The following OLA1 variants were observed in gnomAD, a reference collection of about 807,000 sequenced individuals.
The protein encoded by OLA1 is Obg like ATPase 1.
In OLA1, 14 loss-of-function variants were observed where a neutral mutation model predicts 48.4. The observed-to-expected ratio is 0.29, with a 90% CI of 0.19 to 0.45. OLA1 has a LOEUF of 0.45. Ranked by LOEUF, OLA1 falls within the 20% of genes least tolerant of loss-of-function variation. The pLI, the probability that OLA1 is intolerant of heterozygous loss-of-function variation, is 1.00. For synonymous variants in OLA1, 127 were observed against 150.4 expected (o/e 0.84, Z 1.14); for missense variants, 325 against 467.1 (o/e 0.70, Z 2.80).
At chr2:174,189,422 G>A (rs1687727807) in intron 4 of OLA1, among the ~76,000 whole-genome samples, 1 of 152,000 alleles carries the variant, frequency 6.6e-6, no homozygotes, top group African/African-American at 2.4e-5. Flanking sequence ...CTATAAAGAA[G>A]TCTTAGGTGT....
intron 9 of OLA1, 54 bp from the exon 10 acceptor site, chr2:174,079,144 A>T: frequency 6.6e-7 from 1 of 1,511,510 alleles, no homozygotes; most frequent in Non-Finnish European, 8.9e-7. Flanking sequence ...ACTGATTGTA[A>T]GCACAGAGTT....
chr2:174,228,170 C>G (rs1248357662), intron 3 of OLA1, among the ~76,000 whole-genome samples: 1 of 152,136 alleles, frequency 6.6e-6, no homozygotes, highest in Non-Finnish European at 1.5e-5. Flanking sequence ...ATATAGAAAT[C>G]TGGAGTTCTG....
chr2:174,130,453 T>C (rs1378953767), intron 5 of OLA1, among the ~76,000 whole-genome samples: 1 of 152,216 alleles, frequency 6.6e-6, no homozygotes, highest in Non-Finnish European at 1.5e-5. Context: ...TTCAGTTATA[T>C]GATTCACTGA....
intron 4 of OLA1, among the ~76,000 whole-genome samples, chr2:174,177,171 T>C (rs1687439557): frequency 6.6e-6 from 1 of 152,186 alleles, no homozygotes; most frequent in Admixed American, 6.6e-5. Context: ...TTGAGGGTTT[T>C]AGAATCACCA....
At chr2:174,232,461 G>T (rs1198633920) in intron 2 of OLA1, among the ~76,000 whole-genome samples, 4 of 152,070 alleles carry the variant, frequency 2.6e-5, no homozygotes, top group African/African-American at 9.7e-5. Flanking sequence ...TGTATACATG[G>T]GTGAGTATAA....
chr2:174,112,634 G>A (rs1283375056), intron 7 of OLA1, among the ~76,000 whole-genome samples: 1 of 152,120 alleles, frequency 6.6e-6, no homozygotes, highest in African/African-American at 2.4e-5. Context: ...CTGTAATCAT[G>A]GGAGTAGGTT....
chr2:174,145,519 C>G (rs1453676839), intron 4 of OLA1, among the ~76,000 whole-genome samples: 1 of 152,160 alleles, frequency 6.6e-6, no homozygotes, highest in Non-Finnish European at 1.5e-5. Context: ...TATTACAATT[C>G]TCTTTCAATT....
intron 4 of OLA1, among the ~76,000 whole-genome samples, chr2:174,170,049 C>G (rs973119000): frequency 3.3e-5 from 5 of 152,026 alleles, no homozygotes; most frequent in African/African-American, 4.8e-5. Flanking sequence ...TAAACTAACA[C>G]GGTGAAACCC....
intron 4 of OLA1, among the ~76,000 whole-genome samples, chr2:174,182,252 C>T (rs1284985362): frequency 6.6e-6 from 1 of 152,110 alleles, no homozygotes; most frequent in Non-Finnish European, 1.5e-5. Flanking sequence ...CGGCCGGGCG[C>T]GGTGGCTCAC....
chr2:174,097,920 C>T (rs560302273), intron 7 of OLA1, among the ~76,000 whole-genome samples: 2 of 152,164 alleles, frequency 1.3e-5, no homozygotes, highest in East Asian at 1.9e-4. Context: ...TTATCCAAAT[C>T]GTCTCACTAT....
At chr2:174,218,581 G>A (rs932436833) in intron 4 of OLA1, among the ~76,000 whole-genome samples, 1 of 152,166 alleles carries the variant, frequency 6.6e-6, no homozygotes, top group Non-Finnish European at 1.5e-5. Context: ...AAAAACTACA[G>A]TAACTCCAGA....
intron 4 of OLA1, 131 bp from the exon 5 acceptor site, chr2:174,142,131 G>A (rs1006374008): frequency 5.1e-6 from 4 of 786,862 alleles, no homozygotes; most frequent in Non-Finnish European, 7.9e-6. Context: ...TTGGCAAGTA[G>A]GATATAGCAT....
At chr2:174,163,645 G>A (rs1024211440) in intron 4 of OLA1, among the ~76,000 whole-genome samples, 236 of 147,788 alleles carry the variant, frequency 1.6e-3, no homozygotes, top group African/African-American at 5.6e-3. Flanking sequence ...AGCTGAGATC[G>A]CGCCATTGCA....
intron 4 of OLA1, among the ~76,000 whole-genome samples, chr2:174,159,256 T>A (rs1220715367): frequency 6.6e-6 from 1 of 152,230 alleles, no homozygotes; most frequent in East Asian, 1.9e-4. Context: ...ATATAGCATA[T>A]GAAACTAGTT....
intron 7 of OLA1, among the ~76,000 whole-genome samples, chr2:174,115,960 C>G (rs910671688): frequency 6.6e-6 from 1 of 152,184 alleles, no homozygotes; most frequent in Non-Finnish European, 1.5e-5. Context: ...TAAGATAATA[C>G]ATGACACACA....
In OLA1 at chr2:174,141,824, C is replaced by T. The variant is rs749820890; in HGVS notation, c.549+1G>A. ...TAAAGAAGCTGTAAATTTTTACTTA[C>T]ATATTCAGGTTTTAGTTTTTTATCT... On this transcript the variant is annotated splice_donor_variant, in intron 5 of 10. Transcript: ENST00000284719. LOFTEE classifies it high-confidence loss of function. 2.5e-6 allele frequency: 4 copies of T among 1,590,500 alleles called. No individual in the cohort carries two copies. The South Asian group carries it at 3.5e-5, about 14-fold the overall frequency.
At chr2:174,202,469 T>C (rs1688012774) in intron 4 of OLA1, among the ~76,000 whole-genome samples, 1 of 152,248 alleles carries the variant, frequency 6.6e-6, no homozygotes, top group Non-Finnish European at 1.5e-5. Flanking sequence ...AAAAGTGATC[T>C]CTTGCAGTTC....
intron 5 of OLA1, among the ~76,000 whole-genome samples, chr2:174,135,033 G>T (rs1201124962): frequency 6.6e-6 from 1 of 151,906 alleles, no homozygotes; most frequent in Non-Finnish European, 1.5e-5. Flanking sequence ...GGTGGCGGGC[G>T]CCTGTAGTCC....
chr2:174,202,186 GA>G (rs1429616724), intron 4 of OLA1, among the ~76,000 whole-genome samples: 1 of 151,980 alleles, frequency 6.6e-6, no homozygotes, highest in African/African-American at 2.4e-5. Flanking sequence ...AAAAACTTAA[GA>G]ATTTATCAAA....
Sources: gnomAD v4.1 joint callset for allele counts (sites outside exome capture counted in the v4.1 genomes callset) on GRCh38, gnomAD v4.1.1 for gene constraint, MANE v1.5 for transcripts, NCBI Gene and HGNC (gene_info 2026-07-23, HGNC 2026-07-21) for gene names.